Variants in LONRF2 observed in about 807,000 individuals in gnomAD.
LONRF2 encodes the protein LON peptidase N-terminal domain and RING finger protein 2.
In LONRF2, 35 loss-of-function variants were observed where a neutral mutation model predicts 66.6. That is an observed-to-expected ratio of 0.53 (90% confidence interval 0.40 to 0.70). LONRF2 has a LOEUF of 0.70. Ranked by LOEUF, LONRF2 falls within the 30% of genes least tolerant of loss-of-function variation. LONRF2 has a pLI of 0.00. For synonymous variants in LONRF2, 417 were observed against 418.1 expected (o/e 1.00, Z 0.03); for missense variants, 902 against 1,002.1 (o/e 0.90, Z 1.35).
At position 100,290,390 on chromosome 2, in the gene LONRF2, A is replaced by G. The variant is rs761680418; in HGVS notation, c.1788T>C (p.Ile596=). 1.2e-5 allele frequency: 19 copies of G among 1,613,810 alleles called. No homozygotes were observed. The highest frequency in any genetic ancestry group is 1.6e-5 in the Non-Finnish European group (19 of 1,179,966). ...CATCAGGAAACGTTCTCACGTCCTT[A>G]ATCTCCAGCATGCATCCATACTCTG... is the stretch of plus-strand genomic sequence containing the variant. The part of the protein sequence containing the change: ...GLSEYGCMLE[I]KDVRTFPDGS... Residue 596 remains isoleucine, a synonymous_variant, in exon 10 of 12, where the codon ATT becomes ATC. Coordinates refer to ENST00000393437, the MANE Select transcript of LONRF2 (RefSeq NM_198461.4).
At chr2:100,314,891 T>C (rs1675475128) in intron 1 of LONRF2, among the ~76,000 whole-genome samples, 1 of 152,220 alleles carries the variant, frequency 6.6e-6, no homozygotes, top group African/African-American at 2.4e-5. Flanking sequence ...TGCAGCATTA[T>C]AGTAAGTATT....
chr2:100,295,273 G>T (rs10195018), intron 8 of LONRF2, among the ~76,000 whole-genome samples, 159 bp downstream of exon 8: 43,090 of 152,024 alleles, frequency 0.28, 7,158 homozygotes, highest in East Asian at 0.46. Flanking sequence ...TCTTATAACT[G>T]CTTGCAATTA....
At position 100,277,346 on chromosome 2, in the gene LONRF2, C is replaced by T. The variant is rs1458711904; in HGVS notation, c.*6952G>A. ...TGGATGCCTACTGGGCTCTCCTGGA[C>T]ACAGAGGCTCTCAAAGACCTAAGCC... On this transcript the variant is annotated 3_prime_UTR_variant, in exon 12 of 12. Coordinates refer to ENST00000393437, the MANE Select transcript of LONRF2 (RefSeq NM_198461.4). 4 of 152,232 alleles carry T rather than the reference C, an allele frequency of 2.6e-5. No homozygotes were observed. The South Asian group carries it at 8.3e-4, about 32-fold the overall frequency. 9.4% of individuals were successfully genotyped at this position (152,232 alleles called of 1,614,324 possible).
rs542978473 is a variant in LONRF2, at chr2:100,278,308, C to T, written c.*5990G>A. ...AAGCTCATTACATATTGGGGCCTTC[C>T]ATAATGTTTCCCCCTATTCCTATAA... On this transcript the variant is annotated 3_prime_UTR_variant, in exon 12 of 12. Transcript: ENST00000393437. 1.3e-5 allele frequency: 2 copies of T among 152,272 alleles called. No individual in the cohort carries two copies. The highest frequency in any genetic ancestry group is 6.5e-5 in the Admixed American group (1 of 15,300). 9.4% of individuals were successfully genotyped at this position (152,272 alleles called of 1,614,324 possible). A position where few individuals can be genotyped will look rare whatever the true frequency, so the allele number is the denominator to read the frequency against.
intron 7 of LONRF2, among the ~76,000 whole-genome samples, chr2:100,296,402 A>G (rs562997173): frequency 6.6e-6 from 1 of 152,152 alleles, no homozygotes; most frequent in Admixed American, 6.5e-5. Context: ...GCTGTGATTC[A>G]GAAAGGGTAA....
In LONRF2 at chr2:100,288,650, C is replaced by T; in HGVS notation, c.1921-1587G>A. ...CCAGTCAATTACAAAGCCAACCCCA[C>T]AAGCCTTTTCTGACTTCTGTCCCCA... On this transcript the variant is annotated intron_variant, in intron 10 of 11. Coordinates refer to ENST00000393437, the MANE Select transcript of LONRF2 (RefSeq NM_198461.4). Among the ~76,000 whole-genome samples, 2 of 152,214 alleles carry T rather than the reference C, an allele frequency of 1.3e-5. 1 individual carries two copies. Among genetic ancestry groups the T allele is most frequent in the Admixed American group, 1.3e-4 (2 of 15,284 alleles).
chr2:100,299,718 T>C lies in LONRF2; in HGVS notation c.1266A>G (p.Lys422=). 2 of 1,613,884 alleles carry C rather than the reference T, an allele frequency of 1.2e-6. No individual in the cohort carries two copies. The highest frequency in any genetic ancestry group is 1.3e-5 in the African/African-American group (1 of 75,044). Residue 422 remains lysine (K), a splice_region_variant and synonymous_variant, in exon 5 of 12, where the codon AAA becomes AAG. Transcript: ENST00000393437. ...DLNAPGKIPK[K]DLSLQRSPNS... ...GCCTGATGAAAACAGTTCACTGACC[T>C]TTCTTGGGAATTTTTCCAGGGGCGT... is the stretch of plus-strand genomic sequence containing the variant.
intron 1 of LONRF2, among the ~76,000 whole-genome samples, chr2:100,320,010 T>C (rs1439285848): frequency 6.6e-6 from 1 of 152,226 alleles, no homozygotes; most frequent in African/African-American, 2.4e-5. Flanking sequence ...GTATTTCTGA[T>C]GAAAATTTGA....
intron 2 of LONRF2, among the ~76,000 whole-genome samples, chr2:100,305,386 T>C (rs923235619): frequency 5.9e-5 from 9 of 152,210 alleles, no homozygotes; most frequent in African/African-American, 1.9e-4. Context: ...TTACCAGAAG[T>C]AAACCACTAC....
chr2:100,307,867 G>A (rs1001871841), intron 2 of LONRF2, among the ~76,000 whole-genome samples: 3 of 152,126 alleles, frequency 2.0e-5, no homozygotes, highest in East Asian at 1.9e-4. Flanking sequence ...ATTTTTGCTT[G>A]TCAATTAAAA....
At position 100,302,993 on chromosome 2, in the gene LONRF2, T is replaced by C. The variant is rs773932955; in HGVS notation, c.849A>G (p.Glu283=). The C allele has an allele frequency of 6.2e-7, 1 of 1,611,636 alleles. No individual in the cohort carries two copies. The highest frequency in any genetic ancestry group is 8.5e-7 in the Non-Finnish European group (1 of 1,178,584). The change falls in exon 3 of 12, where the codon GAA becomes GAG. Residue 283 remains glutamate (E), a synonymous_variant. Transcript: ENST00000393437. The stretch of plus-strand genomic sequence containing the variant: ...GGCAGTAGAGAAATTCCTTTAACAC[T>C]TCCTTACTTCTTCCCAATCCAGAAA... ...QALSGLGRSK[E]VLKEFLYCLA... is the part of the protein sequence containing the mutation.
rs1327792639 is a variant in LONRF2, at chr2:100,300,734, T to C, written c.975A>G (p.Thr325=). Residue 325 remains threonine, a synonymous_variant, in exon 4 of 12, where the codon ACA becomes ACG. Coordinates refer to ENST00000393437, the MANE Select transcript of LONRF2 (RefSeq NM_198461.4). ...CCTTTAATCTGCTTTGGATGGAAGA[T>C]GTTAAATTTTCATGCACATTTGCTG... is the stretch of plus-strand genomic sequence containing the variant. ...SATANVHENL[T]SSIQSRLKAQ... 1 of 1,613,476 alleles carries C rather than the reference T, an allele frequency of 6.2e-7. No individual in the cohort carries two copies. The highest frequency in any genetic ancestry group is 1.7e-5 in the Admixed American group (1 of 59,846).
chr2:100,322,120 C>T lies in LONRF2; in HGVS notation c.-27G>A. 4.0e-6 allele frequency: 5 copies of T among 1,238,812 alleles called. No individual in the cohort carries two copies. The highest frequency in any genetic ancestry group is 5.0e-6 in the Non-Finnish European group (5 of 991,982). The allele number at this position is 1,238,812 out of a possible 1,614,324, so 76.7% of individuals were successfully genotyped here. ...ACCGCGGGGCTGCGACGACGCGGGT[C>T]CGGAGCGAAGGCGCGGAGCAGGGAG... On this transcript the variant is annotated 5_prime_UTR_variant, in exon 1 of 12. Coordinates refer to ENST00000393437, the MANE Select transcript of LONRF2 (RefSeq NM_198461.4).
At position 100,274,302 on chromosome 2, in the gene LONRF2, T is replaced by G. The variant is rs1674554671; in HGVS notation, c.*9996A>C. On this transcript the variant is annotated 3_prime_UTR_variant, in exon 12 of 12. Transcript: ENST00000393437. ...GAGAGAACTTCCTTAGCTGCAGGGCTGCAGGCAGGTGCTTCTGCTCCTGAG... is the reference window on the plus strand; with the variant it reads ...GAGAGAACTTCCTTAGCTGCAGGGCGGCAGGCAGGTGCTTCTGCTCCTGAG... 6.6e-6 allele frequency: 1 copy of G among 152,218 alleles called. No individual in the cohort carries two copies. The highest frequency in any genetic ancestry group is 1.5e-5 in the Non-Finnish European group (1 of 68,070). The allele number at this position is 152,218 out of a possible 1,614,324, so 9.4% of individuals were successfully genotyped here. A position where few individuals can be genotyped will look rare whatever the true frequency, so the allele number is the denominator to read the frequency against.
intron 2 of LONRF2, among the ~76,000 whole-genome samples, chr2:100,304,421 C>T (rs991213202): frequency 2.0e-5 from 3 of 152,104 alleles, no homozygotes; most frequent in Non-Finnish European, 2.9e-5. Flanking sequence ...GGCATACATG[C>T]ATGAACCATG....
In LONRF2 at chr2:100,276,469, T is replaced by C. The variant is rs1290853603; in HGVS notation, c.*7829A>G. On this transcript the variant is annotated 3_prime_UTR_variant, in exon 12 of 12. Coordinates refer to ENST00000393437, the MANE Select transcript of LONRF2 (RefSeq NM_198461.4). ...TAATAAAACAAATAATAAATTAAAA[T>C]TAAAGTCAGTCTTTGGCAGTTATAA... is the stretch of plus-strand genomic sequence containing the variant. The C allele has an allele frequency of 1.3e-5, 2 of 152,174 alleles. No individual in the cohort carries two copies. The highest frequency in any genetic ancestry group is 1.3e-4 in the Admixed American group (2 of 15,274). 9.4% of individuals were successfully genotyped at this position (152,174 alleles called of 1,614,324 possible).
At chr2:100,302,007 A>C (rs1291794454) in intron 3 of LONRF2, among the ~76,000 whole-genome samples, 1 of 152,172 alleles carries the variant, frequency 6.6e-6, no homozygotes, top group African/African-American at 2.4e-5. Context: ...AAGAGAAGAT[A>C]AAAAACAACA....
Position 100,309,711 on chromosome 2 carries a change from C to T in LONRF2, c.680-486G>A, listed in dbSNP as rs2105732926. On this transcript the variant is annotated intron_variant, in intron 1 of 11. Transcript: ENST00000393437. ...TTTCAGACATCGAGTCTCGCTCTGT[C>T]ACCCAGGCTGAAGTGCAATGGCATG... Among the ~76,000 whole-genome samples the T allele has an allele frequency of 2.0e-5, 3 of 152,064 alleles. No homozygotes were observed. The Middle Eastern group carries it at 0.01, about 517-fold the overall frequency.
At chr2:100,289,587 C>A (rs1030745101) in intron 10 of LONRF2, among the ~76,000 whole-genome samples, 3 of 147,476 alleles carry the variant, frequency 2.0e-5, no homozygotes, top group African/African-American at 7.4e-5. Context: ...AGGTGCCCGC[C>A]ACCACACATG....
Sources: gnomAD v4.1 joint callset for allele counts (sites outside exome capture counted in the v4.1 genomes callset) on GRCh38, gnomAD v4.1.1 for gene constraint, MANE v1.5 for transcripts, NCBI Gene and HGNC (gene_info 2026-07-23, HGNC 2026-07-21) for gene names.